Variants in PKD2L2 observed in about 807,000 individuals in gnomAD.
PKD2L2 encodes the protein polycystin 2 like 2, transient receptor potential cation channel.
Under a neutral mutation model 83.9 loss-of-function variants are expected in PKD2L2, and 67 were observed. That is an observed-to-expected ratio of 0.80 (90% CI 0.66 to 0.98). The LOEUF (loss-of-function observed/expected upper bound fraction) is 0.98, where lower values mean the gene tolerates loss of function less well. PKD2L2 is among the 50% of genes least tolerant of loss of function. The pLI, the probability that PKD2L2 is intolerant of heterozygous loss-of-function variation, is 0.00. For synonymous variants in PKD2L2, 223 were observed against 237.8 expected (o/e 0.94, Z 0.57); for missense variants, 632 against 717.2 (o/e 0.88, Z 1.36).
At chr5:137,937,907 T>C (rs1485990857) in intron 14 of PKD2L2, 1 of 150,922 alleles carries the variant, frequency 6.6e-6, no homozygotes, top group Non-Finnish European at 1.5e-5. Flanking sequence ...ACACTTGAGG[T>C]CTTTTTTTTT....
intron 8 of PKD2L2, among the ~76,000 whole-genome samples, chr5:137,911,521 C>A (rs890562592): frequency 1.3e-5 from 2 of 152,028 alleles, no homozygotes; most frequent in African/African-American, 2.4e-5. Flanking sequence ...TGATCTATTT[C>A]CCCCTCCAGA....
chr5:137,924,856 C>A (rs1461653549), intron 10 of PKD2L2, among the ~76,000 whole-genome samples, 184 bp from the exon 11 acceptor site: 5 of 152,210 alleles, frequency 3.3e-5, no homozygotes, highest in East Asian at 1.9e-4. Flanking sequence ...TGGGTTTTCA[C>A]CAGCAGGCGT....
At chr5:137,889,652 C>A in intron 1 of PKD2L2, 130 bp downstream of exon 1, 1 of 724,048 alleles carries the variant, frequency 1.4e-6, no homozygotes, top group Admixed American at 4.1e-5. Flanking sequence ...CTCACAGCCT[C>A]CCCTGGGGAA....
intron 12 of PKD2L2, among the ~76,000 whole-genome samples, chr5:137,928,001 C>T (rs1386220553): frequency 6.6e-6 from 1 of 151,756 alleles, no homozygotes; most frequent in Non-Finnish European, 1.5e-5. Context: ...GAAACTTTAC[C>T]TAGAATGGTC....
intron 5 of PKD2L2, among the ~76,000 whole-genome samples, chr5:137,905,929 A>G (rs1271036593): frequency 1.3e-5 from 2 of 152,288 alleles, no homozygotes; most frequent in East Asian, 3.9e-4. Context: ...AACACAAAAT[A>G]GAATGAATGT....
In PKD2L2 at chr5:137,933,050, CAAAAAAA is replaced by C. The variant is rs34015851; in HGVS notation, c.1672-2737_1672-2731del. ...AAACAGAACAAAAAACAAAACAAAC[CAAAAAAA>C]AAAAAAAAACCCACGACCTTTCTCC... On this transcript the variant is annotated intron_variant, in intron 12 of 14. Coordinates refer to ENST00000508883, the MANE Select transcript of PKD2L2 (RefSeq NM_001300921.2). Among the ~76,000 whole-genome samples the C allele has an allele frequency of 2.0e-4, 25 of 122,710 alleles. No homozygotes were observed. The East Asian group carries it at 6.1e-3, about 30-fold the overall frequency. 80.5% of individuals were successfully genotyped at this position (122,710 alleles called of 152,430 possible). A position where few individuals can be genotyped will look rare whatever the true frequency, so the allele number is the denominator to read the frequency against.
intron 8 of PKD2L2, among the ~76,000 whole-genome samples, chr5:137,921,246 A>G (rs1057043776): frequency 6.6e-6 from 1 of 151,990 alleles, no homozygotes; most frequent in African/African-American, 2.4e-5. Flanking sequence ...CTGTAATCCC[A>G]GCTACTTGGG....
intron 4 of PKD2L2, among the ~76,000 whole-genome samples, chr5:137,895,853 G>C (rs558372717): frequency 1.3e-5 from 2 of 149,328 alleles, no homozygotes; most frequent in Non-Finnish European, 3.0e-5. Flanking sequence ...GCTCTGGCCT[G>C]GACGGTAGTG....
At chr5:137,932,516 A>G (rs896180958) in intron 12 of PKD2L2, among the ~76,000 whole-genome samples, 1 of 152,180 alleles carries the variant, frequency 6.6e-6, no homozygotes, top group Non-Finnish European at 1.5e-5. Context: ...AAGTGAAATG[A>G]TAACACTGAG....
At chr5:137,913,175 T>C (rs1253622079) in intron 8 of PKD2L2, among the ~76,000 whole-genome samples, 2 of 132,152 alleles carry the variant, frequency 1.5e-5, no homozygotes, top group African/African-American at 5.7e-5. Flanking sequence ...GCGCCCAGCC[T>C]TCTTTTTTCT....
At chr5:137,914,809 A>G (rs976366790) in intron 8 of PKD2L2, among the ~76,000 whole-genome samples, 8 of 152,268 alleles carry the variant, frequency 5.3e-5, no homozygotes, top group Admixed American at 1.3e-4. Context: ...TTCTTTCTAT[A>G]CCTAATTTGT....
At chr5:137,898,116 G>A (rs905238095) in intron 4 of PKD2L2, among the ~76,000 whole-genome samples, 11 of 151,870 alleles carry the variant, frequency 7.2e-5, no homozygotes, top group African/African-American at 2.2e-4. Flanking sequence ...ACAGGCATGC[G>A]CCACCACGCC....
chr5:137,936,757 T>C (rs12658257), intron 14 of PKD2L2, among the ~76,000 whole-genome samples: 5 of 152,342 alleles, frequency 3.3e-5, no homozygotes, highest in South Asian at 4.1e-4. Context: ...ACCCAGCCCA[T>C]TGAGCATTTC....
chr5:137,921,824 A>G (rs927044473), intron 9 of PKD2L2, 68 bp downstream of exon 9: 167 of 1,156,988 alleles, frequency 1.4e-4, no homozygotes, highest in Non-Finnish European at 2.0e-4. Context: ...CTCATTTAGA[A>G]TAAACTATTA....
In PKD2L2 at chr5:137,890,491, A is replaced by G. The variant is rs2149994980; in HGVS notation, c.42A>G (p.Lys14=). 6.3e-7 allele frequency: 1 copy of G among 1,576,008 alleles called. No individual in the cohort carries two copies. The highest frequency in any genetic ancestry group is 8.6e-7 in the Non-Finnish European group (1 of 1,160,100). ...ASRWHRGGAS[K]HKLHYRKEVE... ...TCTTATATCTCACAGGGGCTTCGAA[A>G]CATAAGTTGCATTACAGAAAGGAAG... Residue 14 remains lysine (K), a synonymous_variant, in exon 2 of 15, where the codon AAA becomes AAG. Coordinates refer to ENST00000508883, the MANE Select transcript of PKD2L2 (RefSeq NM_001300921.2).
At chr5:137,918,905 CT>C (rs1561695813) in intron 8 of PKD2L2, among the ~76,000 whole-genome samples, 1 of 149,150 alleles carries the variant, frequency 6.7e-6, no homozygotes, top group East Asian at 2.0e-4. Flanking sequence ...CTGGCCATCT[CT>C]CAGGAAGGAG....
Position 137,918,944 on chromosome 5 carries a change from ATGTGTGTGTGTGTGTGTGTGTGTGAG to A in PKD2L2, c.1329-2674_1329-2649del, listed in dbSNP as rs59805925. Among the ~76,000 whole-genome samples, 133 of 146,322 alleles carry A rather than the reference ATGTGTGTGTGTGTGTGTGTGTGTGAG, an allele frequency of 9.1e-4. 3 individuals carry two copies. In the East Asian group the frequency reaches 0.02, roughly 22 times the overall value. ...AGAGGCAAGGTCCAGGGCCTGCACA[ATGTGTGTGTGTGTGTGTGTGTGTGAG>A]TGTGTGTGTGTGTGTGTAGGGAGAG... On this transcript the variant is annotated intron_variant, in intron 8 of 14. Transcript: ENST00000508883.
chr5:137,903,691 T>C (rs1384526572), intron 5 of PKD2L2, among the ~76,000 whole-genome samples: 2 of 152,214 alleles, frequency 1.3e-5, no homozygotes, highest in Non-Finnish European at 1.5e-5. Flanking sequence ...AAATAAATTT[T>C]GAAATAATAA....
Position 137,916,358 on chromosome 5 carries a change from G to A in PKD2L2, c.1329-5278G>A, listed in dbSNP as rs145682471. On this transcript the variant is annotated intron_variant, in intron 8 of 14. Transcript: ENST00000508883. ...ACCCAGCTAATTTTTTATATTTTTG[G>A]TAGAGATGAAGTTTCATCATGTTGG... Among the ~76,000 whole-genome samples, 188 of 151,584 alleles carry A rather than the reference G, an allele frequency of 1.2e-3. 4 individuals are homozygous for A. Among genetic ancestry groups the A allele is most frequent in the Middle Eastern group, 0.01 (3 of 294 alleles).
Sources: allele counts gnomAD v4.1 joint callset (sites outside exome capture counted in the v4.1 genomes callset), GRCh38; gene constraint gnomAD v4.1.1; transcripts MANE v1.5; gene names NCBI Gene and HGNC (gene_info 2026-07-23, HGNC 2026-07-21).